SDHAF3: variants seen among roughly 807,000 people sequenced by gnomAD.
SDHAF3 encodes the protein succinate dehydrogenase complex assembly factor 3.
SDHAF3 carries 18 observed loss-of-function variants against 11.5 expected under a neutral mutation model. The ratio of observed to expected loss-of-function variants is 1.56; its 90% CI spans 1.08 to 2.32. The LOEUF (loss-of-function observed/expected upper bound fraction) is 2.32, where lower values mean the gene tolerates loss of function less well. Among genes scored for constraint, SDHAF3 ranks in the 30% most tolerant of loss-of-function variants. The probability of loss-of-function intolerance (pLI) is 0.00; values close to 1 mark genes in which losing one functional copy is unlikely to be tolerated. For missense variants in SDHAF3, 200 were observed against 154.4 expected (o/e 1.30, Z -1.57); for synonymous variants, 72 against 59.3 (o/e 1.21, Z -0.99).
intron 1 of SDHAF3, among the ~76,000 whole-genome samples, chr7:97,167,775 G>A (rs978035379): frequency 2.0e-5 from 3 of 152,272 alleles, no homozygotes; most frequent in Admixed American, 6.5e-5. Context: ...CCAGTTTATC[G>A]ATCTGGGTGG....
At chr7:97,149,463 GT>G (rs1562825671) in intron 1 of SDHAF3, among the ~76,000 whole-genome samples, 1 of 152,070 alleles carries the variant, frequency 6.6e-6, no homozygotes, top group Non-Finnish European at 1.5e-5. Context: ...CAAAACCACT[GT>G]AGTAGGAGCA....
chr7:97,165,241 C>T (rs1199290), intron 1 of SDHAF3, among the ~76,000 whole-genome samples: 90,072 of 151,762 alleles, frequency 0.59, 26,921 homozygotes, highest in Non-Finnish European at 0.64. Flanking sequence ...GAGCCGAGAT[C>T]GTGCCACTGC....
intron 1 of SDHAF3, among the ~76,000 whole-genome samples, chr7:97,139,283 G>A (rs1584215921): frequency 6.6e-6 from 1 of 152,302 alleles, no homozygotes; most frequent in East Asian, 1.9e-4. Flanking sequence ...CAAAGTGAGT[G>A]GTCCCCCACC....
chr7:97,150,323 A>G (rs995478312), intron 1 of SDHAF3, among the ~76,000 whole-genome samples: 11 of 152,262 alleles, frequency 7.2e-5, no homozygotes, highest in South Asian at 2.1e-4. Context: ...GAGTTTTTCA[A>G]TTTACTTTGT....
chr7:97,136,250 CAT>C, intron 1 of SDHAF3: 1 of 435,928 alleles, frequency 2.3e-6, no homozygotes, highest in East Asian at 3.2e-5. Context: ...TTTTTTGAAA[CAT>C]AACTTTTAGG....
intron 1 of SDHAF3, among the ~76,000 whole-genome samples, chr7:97,177,609 G>C (rs996866372): frequency 5.3e-5 from 8 of 152,130 alleles, no homozygotes; most frequent in African/African-American, 1.9e-4. Flanking sequence ...TTGTTTCACA[G>C]ATCACTGATC....
intron 1 of SDHAF3, among the ~76,000 whole-genome samples, chr7:97,169,069 T>C (rs10238320): frequency 0.99 from 150,456 of 152,354 alleles, 74,318 homozygotes; most frequent in East Asian, 1. Context: ...CGGTGGCTCA[T>C]GCCTGTAATC....
intron 1 of SDHAF3, among the ~76,000 whole-genome samples, chr7:97,127,649 C>G (rs1419317031): frequency 6.6e-6 from 1 of 152,042 alleles, no homozygotes; most frequent in Non-Finnish European, 1.5e-5. Context: ...CTTCTCTTAC[C>G]TAATTTGTGG....
At chr7:97,168,970 T>C (rs758784612) in intron 1 of SDHAF3, among the ~76,000 whole-genome samples, 2 of 152,354 alleles carry the variant, frequency 1.3e-5, no homozygotes, top group Non-Finnish European at 2.9e-5. Flanking sequence ...TTCATTTGGT[T>C]AATTAGAATA....
At chr7:97,179,523 C>T (rs940846698) in intron 1 of SDHAF3, among the ~76,000 whole-genome samples, 10 of 150,590 alleles carry the variant, frequency 6.6e-5, no homozygotes, top group African/African-American at 2.4e-4. Context: ...CTGCATGATA[C>T]TTGTTCACAT....
chr7:97,163,803 T>C (rs1789454181), intron 1 of SDHAF3, among the ~76,000 whole-genome samples: 1 of 152,176 alleles, frequency 6.6e-6, no homozygotes, highest in South Asian at 2.1e-4. Context: ...TTGTTTCCTT[T>C]CCATGTTTAG....
At chr7:97,135,969 G>GA (rs1266789876) in intron 1 of SDHAF3, among the ~76,000 whole-genome samples, 1 of 151,982 alleles carries the variant, frequency 6.6e-6, no homozygotes, top group Non-Finnish European at 1.5e-5. Flanking sequence ...TTACAGGTGT[G>GA]AGCCACCATG....
In SDHAF3 at chr7:97,144,186, G is replaced by T. The variant is rs1019052466; in HGVS notation, c.174+26289G>T. ...TTTACTCTTTTTGATGGGATTGTTT[G>T]TTTTTTTCTTACTGATTTGTTTGAG... On this transcript the variant is annotated intron_variant, in intron 1 of 1. Coordinates refer to ENST00000432641, the MANE Select transcript of SDHAF3 (RefSeq NM_020186.3). Among the ~76,000 whole-genome samples the T allele has an allele frequency of 9.9e-5, 15 of 151,932 alleles. No individual in the cohort carries two copies. The East Asian group carries it at 2.9e-3, about 30-fold the overall frequency.
chr7:97,130,430 A>G (rs1353617579), intron 1 of SDHAF3, among the ~76,000 whole-genome samples: 3 of 152,188 alleles, frequency 2.0e-5, no homozygotes, highest in Non-Finnish European at 2.9e-5. Flanking sequence ...TGGCTCGGGA[A>G]GTCCTGGGGT....
intron 1 of SDHAF3, among the ~76,000 whole-genome samples, chr7:97,152,773 C>T (rs138263949): frequency 6.7e-4 from 102 of 152,328 alleles, no homozygotes; most frequent in Non-Finnish European, 2.9e-4. Context: ...CCTCAGCCTC[C>T]TGAGTAGCTG....
intron 1 of SDHAF3, among the ~76,000 whole-genome samples, chr7:97,123,514 A>G (rs1791530865): frequency 6.6e-6 from 1 of 152,180 alleles, no homozygotes; most frequent in East Asian, 1.9e-4. Context: ...TATACCCAGT[A>G]GTGGGATTGC....
At chr7:97,152,453 G>A (rs552879170) in intron 1 of SDHAF3, among the ~76,000 whole-genome samples, 3 of 152,164 alleles carry the variant, frequency 2.0e-5, no homozygotes, top group Non-Finnish European at 4.4e-5. Context: ...TGGGTGGGAG[G>A]TCACAAGACC....
At chr7:97,161,615 G>A (rs1187450759) in intron 1 of SDHAF3, among the ~76,000 whole-genome samples, 2 of 151,968 alleles carry the variant, frequency 1.3e-5, no homozygotes, top group Non-Finnish European at 2.9e-5. Flanking sequence ...GCCCTGGTGT[G>A]TGCTGTTCCC....
At chr7:97,142,647 C>T (rs1055394907) in intron 1 of SDHAF3, 6 of 152,016 alleles carry the variant, frequency 3.9e-5, no homozygotes, top group Non-Finnish European at 8.8e-5. Flanking sequence ...GCTTAATACT[C>T]CTGTTTCTTT....
Sources: gnomAD v4.1 joint callset for allele counts (sites outside exome capture counted in the v4.1 genomes callset) on GRCh38, gnomAD v4.1.1 for gene constraint, MANE v1.5 for transcripts, NCBI Gene and HGNC (gene_info 2026-07-23, HGNC 2026-07-21) for gene names.